TCF4: variants seen among roughly 807,000 people sequenced by gnomAD.
TCF4 encodes the protein transcription factor 4, also known as SL3-3 enhancer factor 2.
A neutral mutation model predicts 82.1 loss-of-function variants in TCF4; 3 were observed. The observed-to-expected ratio is 0.04, with a 90% CI of 0.02 to 0.09. TCF4 has a LOEUF of 0.09. TCF4 is among the 10% of genes least tolerant of loss of function. The pLI, the probability that TCF4 is intolerant of heterozygous loss-of-function variation, is 1.00. For synonymous variants in TCF4, 276 were observed against 309.6 expected (o/e 0.89, Z 1.14); for missense variants, 518 against 852.7 (o/e 0.61, Z 4.89).
chr18:55,452,075 C>T (rs528287712), intron 5 of TCF4, among the ~76,000 whole-genome samples: 1 of 152,230 alleles, frequency 6.6e-6, no homozygotes, highest in East Asian at 1.9e-4. Flanking sequence ...AAAACTTTTT[C>T]TACTAAATAA....
chr18:55,230,241 A>G (rs2047532739), intron 17 of TCF4: 1 of 152,174 alleles, frequency 6.6e-6, no homozygotes, highest in South Asian at 2.1e-4. Flanking sequence ...CCGGGCCCAG[A>G]ATAGTCTGAA....
At chr18:55,333,006 G>A (rs1338960544) in intron 8 of TCF4, among the ~76,000 whole-genome samples, 1 of 152,088 alleles carries the variant, frequency 6.6e-6, no homozygotes, top group Non-Finnish European at 1.5e-5. Flanking sequence ...AAGCCTAATC[G>A]GTCAAGTCTA....
chr18:55,452,341 T>C (rs536925842), intron 5 of TCF4, among the ~76,000 whole-genome samples: 2 of 152,276 alleles, frequency 1.3e-5, no homozygotes, highest in South Asian at 4.1e-4. Flanking sequence ...TAAAAGAAAA[T>C]AGAGGGTTTT....
At chr18:55,586,336 A>C (rs1282992363) in intron 2 of TCF4, 7 of 656,814 alleles carry the variant, frequency 1.1e-5, no homozygotes, top group Non-Finnish European at 1.8e-5. Flanking sequence ...TCTGGCATTA[A>C]AAATGAATTC....
chr18:55,496,436 A>T (rs1050565679), intron 3 of TCF4: 5 of 151,850 alleles, frequency 3.3e-5, no homozygotes, highest in Non-Finnish European at 2.9e-5. Context: ...AAGAAAGAAC[A>T]ATCTCCTAAG....
At chr18:55,379,476 T>A (rs1177851659) in intron 6 of TCF4, among the ~76,000 whole-genome samples, 1 of 152,082 alleles carries the variant, frequency 6.6e-6, no homozygotes, top group African/African-American at 2.4e-5. Flanking sequence ...GAAGGGAGTG[T>A]GTCCCTGGGA....
At chr18:55,559,459 C>T (rs1215050361) in intron 3 of TCF4, among the ~76,000 whole-genome samples, 2 of 151,954 alleles carry the variant, frequency 1.3e-5, no homozygotes, top group African/African-American at 4.8e-5. Context: ...GTTGTGTGTA[C>T]ATGAATATAT....
intron 5 of TCF4, among the ~76,000 whole-genome samples, chr18:55,447,653 G>A (rs1020865382): frequency 5.3e-5 from 8 of 152,134 alleles, no homozygotes; most frequent in African/African-American, 1.9e-4. Context: ...TACATATACT[G>A]AGGACCATAT....
intron 10 of TCF4, 77 bp from the exon 11 acceptor site, chr18:55,270,040 A>T (rs954794845): frequency 5.7e-6 from 9 of 1,569,884 alleles, no homozygotes; most frequent in South Asian, 5.6e-5. Flanking sequence ...TACTTTTCTC[A>T]CAACTCTCTA....
At chr18:55,280,813 GA>G (rs2062449955) in intron 8 of TCF4, among the ~76,000 whole-genome samples, 1 of 151,860 alleles carries the variant, frequency 6.6e-6, no homozygotes, top group Admixed American at 6.6e-5. Flanking sequence ...AAACACCCCA[GA>G]AAAATTATAT....
In TCF4 at chr18:55,521,179, G is replaced by A. The variant is rs190229374; in HGVS notation, c.146-57042C>T. On this transcript the variant is annotated intron_variant, in intron 3 of 19. Transcript: ENST00000354452. ...AGAAACAAAAATAAATGGAATTATCGTTTCCTAACAATAGATTATACATCA... is the reference window on the plus strand; with the variant it reads ...AGAAACAAAAATAAATGGAATTATCATTTCCTAACAATAGATTATACATCA... 1.2e-4 allele frequency among the ~76,000 whole-genome samples: 18 copies of A among 152,180 alleles called. No homozygotes were observed. The East Asian group carries it at 1.5e-3, about 13-fold the overall frequency.
Position 55,311,074 on chromosome 18 carries a change from C to T in TCF4, c.550-31418G>A, listed in dbSNP as rs79642966. 1.8e-3 allele frequency among the ~76,000 whole-genome samples: 279 copies of T among 150,850 alleles called. 2 individuals carry two copies. The highest frequency in any genetic ancestry group is 6.3e-3 in the African/African-American group (259 of 41,006). On this transcript the variant is annotated intron_variant, in intron 8 of 19. Transcript: ENST00000354452. ...AAAATCTCACGTTTTCATGGTAAAA[C>T]GTAGAAATACCTGGGCAATGCTATA...
chr18:55,420,273 G>T lies in TCF4; in HGVS notation c.305-16755C>A, dbSNP rs1487935178. Among the ~76,000 whole-genome samples the T allele has an allele frequency of 1.8e-4, 27 of 152,122 alleles. 1 individual carries two copies. Among genetic ancestry groups the T allele is most frequent in the Non-Finnish European group, 5.9e-5 (4 of 68,028 alleles). ...AAAGTCATCTTTATCATCAGCTCAA[G>T]AAATAATTCATGAAAATGAAGGTTT... On this transcript the variant is annotated intron_variant, in intron 5 of 19. Transcript: ENST00000354452.
At chr18:55,305,482 AC>A (rs533904236) in intron 8 of TCF4, among the ~76,000 whole-genome samples, 150 of 152,282 alleles carry the variant, frequency 9.9e-4, no homozygotes, top group Admixed American at 6.6e-3. Context: ...CTAATCTATT[AC>A]TTTTATTTCC....
intron 8 of TCF4, among the ~76,000 whole-genome samples, chr18:55,338,954 T>G (rs748483523): frequency 6.6e-6 from 1 of 152,194 alleles, no homozygotes; most frequent in Non-Finnish European, 1.5e-5. Flanking sequence ...AACATAAAGC[T>G]TTTAAAAGCT....
Position 55,323,011 on chromosome 18 carries a change from T to C in TCF4, c.549+27348A>G, listed in dbSNP as rs117038519. Among the ~76,000 whole-genome samples the C allele has an allele frequency of 2.2e-3, 340 of 152,378 alleles. 7 individuals carry two copies. In the East Asian group the frequency reaches 0.029, roughly 13 times the overall value. On this transcript the variant is annotated intron_variant, in intron 8 of 19. Coordinates refer to ENST00000354452, the MANE Select transcript of TCF4 (RefSeq NM_001083962.2). ...ACGTGAAAACCTTTGTTCACCTTTATTGATCACAACTGAACAATAGAATCC... is the reference window on the plus strand; with the variant it reads ...ACGTGAAAACCTTTGTTCACCTTTACTGATCACAACTGAACAATAGAATCC...
At position 55,234,602 on chromosome 18, in the gene TCF4, G is replaced by C. The variant is rs2144677083; in HGVS notation, c.1432C>G (p.Pro478Ala). 6.2e-7 allele frequency: 1 copy of C among 1,614,118 alleles called. No homozygotes were observed. Among genetic ancestry groups the C allele is most frequent in the South Asian group, 1.1e-5 (1 of 91,072 alleles). The change falls in exon 16 of 20, where the codon CCT becomes GCT. Residue 478 changes from proline to alanine, a missense_variant. This residue lies in a region of TCF4 where 144 missense variants were observed against 190.2 expected (regional missense o/e 0.76). Transcript: ENST00000354452. ...TCAGGGGAAGTCGCAGACTGGACAG[G>C]AAGCTGTGGAACCGGAACCTGGTTT... Reference protein sequence around the residue: ...LPNQVPVPQLPVQSATSPDLN... With the variant: ...LPNQVPVPQLAVQSATSPDLN...
intron 9 of TCF4, among the ~76,000 whole-genome samples, chr18:55,277,939 A>G (rs1321526978): frequency 1.3e-5 from 2 of 152,134 alleles, no homozygotes; most frequent in Non-Finnish European, 2.9e-5. Context: ...GCTTTTTGTC[A>G]CGGCACAAAA....
Position 55,480,035 on chromosome 18 carries a change from G to A in TCF4, c.146-15898C>T, listed in dbSNP as rs767993828. 1.3e-4 allele frequency among the ~76,000 whole-genome samples: 19 copies of A among 151,998 alleles called. 1 individual carries two copies. Among genetic ancestry groups the A allele is most frequent in the East Asian group, 3.9e-4 (2 of 5,154 alleles). ...AAATGTTCTCAGGCTGCTCAGTCTC[G>A]TCTGTCTCAAGAAAATAGACACAAG... On this transcript the variant is annotated intron_variant, in intron 3 of 19. Coordinates refer to ENST00000354452, the MANE Select transcript of TCF4 (RefSeq NM_001083962.2).
Sources: allele counts gnomAD v4.1 joint callset (sites outside exome capture counted in the v4.1 genomes callset), GRCh38; gene constraint gnomAD v4.1.1; regional missense constraint gnomAD v4.1.1; transcripts MANE v1.5; gene names NCBI Gene and HGNC (gene_info 2026-07-23, HGNC 2026-07-21).